SBF2: variants seen among roughly 807,000 people sequenced by gnomAD.
SBF2 encodes the protein myotubularin-related protein 13.
A neutral mutation model predicts 225.2 loss-of-function variants in SBF2; 112 were observed. The observed-to-expected ratio is 0.50, with a 90% CI of 0.43 to 0.58. The LOEUF is 0.58. SBF2 is among the 20% of genes least tolerant of loss of function. The pLI, the probability that SBF2 is intolerant of heterozygous loss-of-function variation, is 0.00. For missense variants in SBF2, 1,996 were observed against 2,206.2 expected (o/e 0.90, Z 1.91); for synonymous variants, 763 against 773.3 (o/e 0.99, Z 0.22).
At chr11:10,051,994 A>G (rs1323972055) in intron 2 of SBF2, among the ~76,000 whole-genome samples, 1 of 152,140 alleles carries the variant, frequency 6.6e-6, no homozygotes, top group African/African-American at 2.4e-5. Context: ...GGACATTACA[A>G]TTCTTGAACC....
chr11:10,191,366 A>C (rs1446892823), intron 2 of SBF2, among the ~76,000 whole-genome samples: 2 of 152,212 alleles, frequency 1.3e-5, no homozygotes, highest in Non-Finnish European at 2.9e-5. Flanking sequence ...CTCTCTAAAG[A>C]TATGCAAAAA....
At chr11:9,804,564 C>T (rs995936031) in intron 32 of SBF2, among the ~76,000 whole-genome samples, 6 of 152,166 alleles carry the variant, frequency 3.9e-5, no homozygotes, top group East Asian at 1.9e-4. Flanking sequence ...AGTTTCCTGA[C>T]GCTGAAAAGT....
At chr11:10,300,836 G>GA (rs1226225867) in intron 1 of SBF2, among the ~76,000 whole-genome samples, 2 of 148,122 alleles carry the variant, frequency 1.4e-5, no homozygotes, top group African/African-American at 5.0e-5. Context: ...TCTTTGTAGG[G>GA]ATGGATTTTT....
intron 16 of SBF2, among the ~76,000 whole-genome samples, chr11:9,942,901 G>GAGAAAGAA (rs1183181431): frequency 0.26 from 25,710 of 100,326 alleles, 2,653 homozygotes; most frequent in Middle Eastern, 0.37. Context: ...AAGAGAGAGA[G>GAGAAAGAA]AGAAAGAAAG....
chr11:10,098,856 G>GA (rs1162185341), intron 2 of SBF2, among the ~76,000 whole-genome samples: 6 of 147,052 alleles, frequency 4.1e-5, no homozygotes, highest in African/African-American at 1.3e-4. Flanking sequence ...AGGAGAAAAA[G>GA]AAAAAAAAAG....
intron 35 of SBF2, chr11:9,788,091 C>A (rs1852491366): frequency 6.1e-6 from 2 of 330,530 alleles, no homozygotes; most frequent in Admixed American, 8.5e-5. Context: ...CGTGGCCCAG[C>A]CCTAATAGCT....
intron 13 of SBF2, among the ~76,000 whole-genome samples, chr11:9,988,894 A>G (rs1483421548): frequency 6.6e-6 from 1 of 152,228 alleles, no homozygotes; most frequent in Non-Finnish European, 1.5e-5. Flanking sequence ...CAGCAATCAC[A>G]CTACGGGGTT....
chr11:9,982,188 C>T (rs1946986145), intron 13 of SBF2, among the ~76,000 whole-genome samples: 1 of 152,148 alleles, frequency 6.6e-6, no homozygotes, highest in African/African-American at 2.4e-5. Flanking sequence ...TTTTCGCTCC[C>T]TCTGTTCAAA....
At chr11:10,275,031 G>T (rs186913670) in intron 1 of SBF2, among the ~76,000 whole-genome samples, 1 of 152,176 alleles carries the variant, frequency 6.6e-6, no homozygotes, top group East Asian at 1.9e-4. Context: ...GTAAAAACTG[G>T]GTAGAAAAAT....
intron 26 of SBF2, among the ~76,000 whole-genome samples, chr11:9,833,775 T>C (rs1278589950): frequency 5.7e-5 from 2 of 35,282 alleles, no homozygotes. Flanking sequence ...CATGCTATCC[T>C]TTTTTTTTTT....
intron 16 of SBF2, among the ~76,000 whole-genome samples, chr11:9,917,157 C>A (rs1221015718): frequency 1.3e-5 from 2 of 151,542 alleles, no homozygotes; most frequent in Admixed American, 6.6e-5. Context: ...ATAAATCCTG[C>A]CATCTTTGAA....
intron 13 of SBF2, among the ~76,000 whole-genome samples, chr11:9,972,113 A>G (rs1946488042): frequency 6.6e-6 from 1 of 152,200 alleles, no homozygotes; most frequent in African/African-American, 2.4e-5. Flanking sequence ...GCCACTTACT[A>G]GTAGTGTGAC....
At chr11:10,222,937 T>TTA (rs916430547) in intron 1 of SBF2, among the ~76,000 whole-genome samples, 17 of 151,696 alleles carry the variant, frequency 1.1e-4, no homozygotes, top group South Asian at 6.3e-4. Flanking sequence ...TTCAATAACC[T>TTA]TATATATATA....
intron 6 of SBF2, among the ~76,000 whole-genome samples, chr11:10,025,380 T>C (rs1201648087): frequency 2.6e-5 from 4 of 151,688 alleles, no homozygotes; most frequent in Non-Finnish European, 5.9e-5. Flanking sequence ...GAGAGCTTTA[T>C]ATAAAAAAAA....
At chr11:10,279,248 C>T (rs2957674) in intron 1 of SBF2, among the ~76,000 whole-genome samples, 41,499 of 151,016 alleles carry the variant, frequency 0.27, 6,431 homozygotes, top group Non-Finnish European at 0.35. Context: ...CCCATCTCTA[C>T]TAAAAATACA....
chr11:9,900,741 T>C (rs188784864), intron 16 of SBF2, among the ~76,000 whole-genome samples: 2 of 152,174 alleles, frequency 1.3e-5, no homozygotes, highest in East Asian at 3.9e-4. Flanking sequence ...TTTAAAAAAA[T>C]TTTTTTTAAA....
chr11:9,904,154 C>T (rs1295094455), intron 16 of SBF2, among the ~76,000 whole-genome samples: 3 of 151,872 alleles, frequency 2.0e-5, no homozygotes, highest in Non-Finnish European at 4.4e-5. Context: ...GTTAAAAAAA[C>T]AAAGATTGAC....
chr11:10,226,307 G>A (rs1185420372), intron 1 of SBF2, among the ~76,000 whole-genome samples: 1 of 152,034 alleles, frequency 6.6e-6, no homozygotes, highest in Non-Finnish European at 1.5e-5. Flanking sequence ...TTTTTTGCAT[G>A]TGGTACACAT....
chr11:10,142,638 A>T (rs1288540890), intron 2 of SBF2, among the ~76,000 whole-genome samples: 5 of 152,192 alleles, frequency 3.3e-5, no homozygotes, highest in African/African-American at 9.6e-5. Context: ...TAAAACACTG[A>T]TACTTAGCAC....
Sources: gnomAD v4.1 joint callset for allele counts (sites outside exome capture counted in the v4.1 genomes callset) on GRCh38, gnomAD v4.1.1 for gene constraint, MANE v1.5 for transcripts, NCBI Gene and HGNC (gene_info 2026-07-23, HGNC 2026-07-21) for gene names.